TRIM33: variants seen among roughly 807,000 people sequenced by gnomAD.
TRIM33 encodes E3 ubiquitin-protein ligase TRIM33.
A neutral mutation model predicts 125.4 loss-of-function variants in TRIM33; 20 were observed. The ratio of observed to expected loss-of-function variants is 0.16; its 90% CI spans 0.11 to 0.23. The LOEUF is 0.23. Ranked by LOEUF, TRIM33 falls within the 10% of genes least tolerant of loss-of-function variation. The probability of loss-of-function intolerance (pLI) is 1.00; values close to 1 mark genes in which losing one functional copy is unlikely to be tolerated. For synonymous variants in TRIM33, 564 were observed against 513.9 expected (o/e 1.10, Z -1.32); for missense variants, 920 against 1,411.4 (o/e 0.65, Z 5.58).
intron 4 of TRIM33, among the ~76,000 whole-genome samples, chr1:114,458,523 C>T (rs1181882222): frequency 2.0e-5 from 3 of 152,142 alleles, no homozygotes; most frequent in Non-Finnish European, 4.4e-5. Context: ...AGTTTTGACA[C>T]CTCTATGATT....
chr1:114,415,299 A>G (rs929030794), intron 11 of TRIM33, among the ~76,000 whole-genome samples: 18 of 152,154 alleles, frequency 1.2e-4, no homozygotes, highest in Non-Finnish European at 2.5e-4. Context: ...CCCAGGTTTA[A>G]GAGAGCTTAA....
chr1:114,482,262 CAT>C (rs1399712368), intron 1 of TRIM33, among the ~76,000 whole-genome samples: 1 of 151,970 alleles, frequency 6.6e-6, no homozygotes, highest in Admixed American at 6.6e-5. Context: ...GCTTCAAAGA[CAT>C]ATATTAGAAA....
intron 4 of TRIM33, among the ~76,000 whole-genome samples, chr1:114,462,142 C>T (rs905454130): frequency 1.3e-5 from 2 of 152,072 alleles, no homozygotes; most frequent in African/African-American, 2.4e-5. Context: ...CACTTAAAAC[C>T]GTCATAATAC....
At chr1:114,440,160 G>C (rs956180962) in intron 4 of TRIM33, among the ~76,000 whole-genome samples, 21 of 151,798 alleles carry the variant, frequency 1.4e-4, no homozygotes, top group African/African-American at 2.9e-4. Flanking sequence ...GGAAGAGGAG[G>C]GGGGAGACCC....
chr1:114,431,779 C>T (rs942122524), intron 5 of TRIM33, among the ~76,000 whole-genome samples: 5 of 152,102 alleles, frequency 3.3e-5, no homozygotes, highest in Non-Finnish European at 4.4e-5. Context: ...CTCTGTACAT[C>T]GTTTGGCACT....
intron 1 of TRIM33, among the ~76,000 whole-genome samples, chr1:114,481,925 A>C (rs1272188505): frequency 6.6e-6 from 1 of 151,838 alleles, no homozygotes; most frequent in East Asian, 1.9e-4. Context: ...TGCCCAGCTA[A>C]TATTTTTGTA....
At chr1:114,509,256 G>A (rs561549663) in intron 1 of TRIM33, among the ~76,000 whole-genome samples, 9 of 152,294 alleles carry the variant, frequency 5.9e-5, no homozygotes, top group South Asian at 4.1e-4. Context: ...CTTTAGTGCA[G>A]CTCCACAATC....
chr1:114,486,185 A>G (rs1271063152), intron 1 of TRIM33, among the ~76,000 whole-genome samples: 1 of 152,162 alleles, frequency 6.6e-6, no homozygotes, highest in Non-Finnish European at 1.5e-5. Flanking sequence ...CTGAGGCAGG[A>G]GAATTGCTTG....
chr1:114,478,681 G>C (rs867291322), intron 1 of TRIM33, among the ~76,000 whole-genome samples: 3 of 152,120 alleles, frequency 2.0e-5, no homozygotes, highest in African/African-American at 7.2e-5. Flanking sequence ...TCTTAAGAGC[G>C]AACTATAAAA....
chr1:114,504,516 G>A (rs186100866), intron 1 of TRIM33, among the ~76,000 whole-genome samples: 209 of 152,216 alleles, frequency 1.4e-3, no homozygotes, highest in Non-Finnish European at 2.3e-3. Context: ...AAATGTCAGC[G>A]CAGTGAATAA....
chr1:114,451,120 C>T (rs1649283400), intron 4 of TRIM33, among the ~76,000 whole-genome samples: 1 of 152,122 alleles, frequency 6.6e-6, no homozygotes, highest in Admixed American at 6.5e-5. Flanking sequence ...TATACTTAAT[C>T]TCCCTGATTT....
chr1:114,504,678 G>A (rs796526438), intron 1 of TRIM33, among the ~76,000 whole-genome samples: 1 of 152,080 alleles, frequency 6.6e-6, no homozygotes, highest in East Asian at 1.9e-4. Context: ...TCTCATTTAG[G>A]ACCCACTGAC....
In TRIM33 at chr1:114,397,602, TTTTCG is replaced by T; in HGVS notation, c.*41_*45del. 1 of 1,155,364 alleles carries T rather than the reference TTTTCG, an allele frequency of 8.7e-7. No individual in the cohort carries two copies. The highest frequency in any genetic ancestry group is 1.2e-6 in the Non-Finnish European group (1 of 810,092). The allele number at this position is 1,155,364 out of a possible 1,614,324, so 71.6% of individuals were successfully genotyped here. ...TGGGTTTTTTGTGTTTTTTTTTTTTTTTTCGTTTTTTTTTTTTTAAACAATTGATT... is the reference window on the plus strand; with the variant it reads ...TGGGTTTTTTGTGTTTTTTTTTTTTTTTTTTTTTTTTTTAAACAATTGATT... On this transcript the variant is annotated 3_prime_UTR_variant, in exon 20 of 20. Transcript: ENST00000358465.
chr1:114,401,957 A>T (rs981771599), intron 16 of TRIM33, among the ~76,000 whole-genome samples: 2 of 152,204 alleles, frequency 1.3e-5, no homozygotes, highest in African/African-American at 4.8e-5. Flanking sequence ...TGCATTTTAC[A>T]TTCACAGTCT....
intron 4 of TRIM33, among the ~76,000 whole-genome samples, chr1:114,456,916 G>A (rs1295397976): frequency 4.6e-5 from 7 of 152,188 alleles, no homozygotes; most frequent in East Asian, 1.9e-4. Flanking sequence ...AAGGTCTAAC[G>A]GCATGCCTAA....
intron 11 of TRIM33, among the ~76,000 whole-genome samples, chr1:114,414,271 T>C (rs1187478117): frequency 1.3e-5 from 2 of 152,172 alleles, no homozygotes; most frequent in Non-Finnish European, 2.9e-5. Flanking sequence ...TGATAGGTCA[T>C]GTACACTGAT....
In TRIM33 at chr1:114,428,770, A is replaced by G. The variant is rs147991088; in HGVS notation, c.1156-876T>C. On this transcript the variant is annotated intron_variant, in intron 6 of 19. Transcript: ENST00000358465. ...TCTACAAAGTATAAGAACATATTAC[A>G]CTAGAAAACATCTATTTTAAATTTA... Among the ~76,000 whole-genome samples, 4 of 152,308 alleles carry G rather than the reference A, an allele frequency of 2.6e-5. No homozygotes were observed. The East Asian group carries it at 5.8e-4, about 22-fold the overall frequency.
rs142386868 is a variant in TRIM33, at chr1:114,477,872, T to C, written c.527-13484A>G. Among the ~76,000 whole-genome samples the C allele has an allele frequency of 5.1e-3, 778 of 152,284 alleles. 8 individuals carry two copies. The highest frequency in any genetic ancestry group is 0.018 in the African/African-American group (739 of 41,574). On this transcript the variant is annotated intron_variant, in intron 1 of 19. Transcript: ENST00000358465. ...GCTATGGTACAGGACACTGCAGTTC[T>C]AGAAAACACAGGATACCTGAGATGT...
chr1:114,436,107 A>G (rs1648272757), intron 4 of TRIM33, among the ~76,000 whole-genome samples: 1 of 151,680 alleles, frequency 6.6e-6, no homozygotes, highest in East Asian at 1.9e-4. Flanking sequence ...CTTGTATAAG[A>G]TATTAATAGC....
Sources: gnomAD v4.1 joint callset for allele counts (sites outside exome capture counted in the v4.1 genomes callset) on GRCh38, gnomAD v4.1.1 for gene constraint, MANE v1.5 for transcripts, NCBI Gene and HGNC (gene_info 2026-07-23, HGNC 2026-07-21) for gene names.